ME3: variants seen among roughly 807,000 people sequenced by gnomAD.
ME3 encodes malic enzyme 3, also known as NADP-dependent malic enzyme, mitochondrial.
In ME3, 48 loss-of-function variants were observed where a neutral mutation model predicts 68.9. The observed-to-expected ratio is 0.70, with a 90% confidence interval of 0.55 to 0.89. The LOEUF is 0.89. Ranked by LOEUF, ME3 falls within the 40% of genes least tolerant of loss-of-function variation. ME3 has a pLI of 0.00. For synonymous variants in ME3, 320 were observed against 318.8 expected (o/e 1.00, Z -0.04); for missense variants, 675 against 797.4 (o/e 0.85, Z 1.85).
At chr11:86,566,370 C>T (rs1472985528) in intron 2 of ME3, among the ~76,000 whole-genome samples, 2 of 152,224 alleles carry the variant, frequency 1.3e-5, no homozygotes, top group Non-Finnish European at 2.9e-5. Flanking sequence ...CAGCTTCCCC[C>T]AGATTTCCTT....
Position 86,499,270 on chromosome 11 carries a change from C to T in ME3, c.544-1146G>A, listed in dbSNP as rs192776839. ...GGAAGGGAAAAAATGGGAAGTCAGGCAGGAGTCAGACTGTGAAAGACCTTG... is the reference window on the plus strand; with the variant it reads ...GGAAGGGAAAAAATGGGAAGTCAGGTAGGAGTCAGACTGTGAAAGACCTTG... On this transcript the variant is annotated intron_variant, in intron 5 of 14. Coordinates refer to ENST00000543262, the Ensembl canonical transcript of ME3. Among the ~76,000 whole-genome samples, 6 of 152,212 alleles carry T rather than the reference C, an allele frequency of 3.9e-5. No homozygotes were observed. In the East Asian group the frequency reaches 1.2e-3, roughly 29 times the overall value.
At chr11:86,605,295 A>G (rs527449103) in intron 2 of ME3, among the ~76,000 whole-genome samples, 4 of 152,272 alleles carry the variant, frequency 2.6e-5, no homozygotes, top group South Asian at 4.1e-4. Context: ...ATGATTTCCA[A>G]CCTATGCCAC....
intron 2 of ME3, among the ~76,000 whole-genome samples, chr11:86,653,048 T>C (rs1945576318): frequency 6.6e-6 from 1 of 152,086 alleles, no homozygotes; most frequent in African/African-American, 2.4e-5. Flanking sequence ...GAGCTAACTA[T>C]CCTAAGTATA....
chr11:86,545,869 A>G (rs1956330854), intron 4 of ME3, among the ~76,000 whole-genome samples: 1 of 152,206 alleles, frequency 6.6e-6, no homozygotes, highest in African/African-American at 2.4e-5. Flanking sequence ...AATCCTAAGC[A>G]AAAAGAACAA....
intron 2 of ME3, among the ~76,000 whole-genome samples, chr11:86,624,139 A>G (rs1239593832): frequency 6.6e-6 from 1 of 152,198 alleles, no homozygotes; most frequent in Non-Finnish European, 1.5e-5. Flanking sequence ...GTTCCCCACA[A>G]TGTTGGGAAG....
intron 2 of ME3, among the ~76,000 whole-genome samples, chr11:86,615,582 CTCTG>C (rs1360502761): frequency 6.6e-6 from 1 of 152,158 alleles, no homozygotes; most frequent in African/African-American, 2.4e-5. Flanking sequence ...AAGAGTTCAC[CTCTG>C]TCTGAGTCTG....
chr11:86,609,227 A>C (rs1228272116), intron 2 of ME3, among the ~76,000 whole-genome samples: 2 of 152,178 alleles, frequency 1.3e-5, no homozygotes, highest in Non-Finnish European at 2.9e-5. Context: ...AAGATTAATG[A>C]GTAGTCCCAG....
chr11:86,485,900 A>G (rs1484238447), intron 7 of ME3, among the ~76,000 whole-genome samples: 1 of 152,174 alleles, frequency 6.6e-6, no homozygotes, highest in African/African-American at 2.4e-5. Flanking sequence ...TTAAATTCAT[A>G]AACAGTAACC....
chr11:86,514,879 G>T (rs1953784527), intron 4 of ME3, among the ~76,000 whole-genome samples: 1 of 152,196 alleles, frequency 6.6e-6, no homozygotes, highest in South Asian at 2.1e-4. Context: ...TGTGGGCTCG[G>T]GAGTCAGATC....
At chr11:86,589,772 G>C (rs1958953503) in intron 2 of ME3, among the ~76,000 whole-genome samples, 1 of 152,188 alleles carries the variant, frequency 6.6e-6, no homozygotes, top group Non-Finnish European at 1.5e-5. Flanking sequence ...ATTGGAAAAC[G>C]TTTCTGCATC....
chr11:86,494,385 TG>T (rs1310147663), intron 6 of ME3, among the ~76,000 whole-genome samples: 1 of 152,190 alleles, frequency 6.6e-6, no homozygotes, highest in Non-Finnish European at 1.5e-5. Flanking sequence ...GCCAGACAGC[TG>T]GGTTCCAATC....
intron 2 of ME3, among the ~76,000 whole-genome samples, chr11:86,656,023 G>C (rs1404612117): frequency 1.3e-5 from 2 of 151,546 alleles, no homozygotes; most frequent in African/African-American, 2.4e-5. Context: ...GGCCATCAGA[G>C]AAATGCAAAT....
intron 6 of ME3, among the ~76,000 whole-genome samples, chr11:86,490,594 G>A (rs74969676): frequency 0.014 from 2,083 of 152,226 alleles, 52 homozygotes; most frequent in African/African-American, 0.047. Context: ...ATTTGTAAGA[G>A]ACTATTTAAA....
At chr11:86,444,210 A>G (rs536840653) in intron 13 of ME3, among the ~76,000 whole-genome samples, 1 of 152,338 alleles carries the variant, frequency 6.6e-6, no homozygotes, top group African/African-American at 2.4e-5. Context: ...CAAAGCATGA[A>G]TTAGGGGAGA....
At chr11:86,668,120 CA>C (rs1946693188) in intron 2 of ME3, 1 of 152,066 alleles carries the variant, frequency 6.6e-6, no homozygotes, top group Non-Finnish European at 1.5e-5. Flanking sequence ...TCAGTCTATG[CA>C]GTTGTGAATT....
chr11:86,629,175 C>A (rs181856920), intron 2 of ME3, among the ~76,000 whole-genome samples: 14 of 152,328 alleles, frequency 9.2e-5, no homozygotes, highest in African/African-American at 3.4e-4. Flanking sequence ...GCCCTGCTAT[C>A]TTTCTCACCA....
intron 2 of ME3, among the ~76,000 whole-genome samples, chr11:86,575,599 G>A (rs368370554): frequency 3.3e-5 from 4 of 119,408 alleles, no homozygotes; most frequent in East Asian, 3.8e-4. Context: ...GGACTTGGTT[G>A]CCTTTTAGAG....
At chr11:86,556,076 C>T (rs1956910177) in intron 4 of ME3, among the ~76,000 whole-genome samples, 2 of 152,082 alleles carry the variant, frequency 1.3e-5, no homozygotes, top group Non-Finnish European at 2.9e-5. Flanking sequence ...AAAGTTTTGT[C>T]TAATAAAATG....
intron 7 of ME3, among the ~76,000 whole-genome samples, chr11:86,471,141 CTTTTTTTTTTTTTTTT>C (rs1163128094): frequency 5.3e-5 from 4 of 75,044 alleles, no homozygotes; most frequent in Non-Finnish European, 9.5e-5. Context: ...AGGCCCAGAG[CTTTTTTTTTTTTTTTT>C]TTTTTTTTTT....
Sources: allele counts gnomAD v4.1 joint callset (sites outside exome capture counted in the v4.1 genomes callset), GRCh38; gene constraint gnomAD v4.1.1; transcripts MANE v1.5; gene names NCBI Gene and HGNC (gene_info 2026-07-23, HGNC 2026-07-21).